CDK6: variants seen among roughly 807,000 people sequenced by gnomAD.
The protein encoded by CDK6 is cyclin dependent kinase 6, also known as cyclin-dependent kinase 6.
A neutral mutation model predicts 37.1 loss-of-function variants in CDK6; 6 were observed. The ratio of observed to expected loss-of-function variants is 0.16; its 90% CI spans 0.09 to 0.32. The LOEUF (loss-of-function observed/expected upper bound fraction) is 0.32. Ranked by LOEUF, CDK6 falls within the 10% of genes least tolerant of loss-of-function variation. The pLI, the probability that CDK6 is intolerant of heterozygous loss-of-function variation, is 1.00. For missense variants in CDK6, 224 were observed against 418.9 expected (o/e 0.53, Z 4.06); for synonymous variants, 160 against 161.3 (o/e 0.99, Z 0.06).
chr7:92,814,352 C>T (rs191335822), intron 2 of CDK6, among the ~76,000 whole-genome samples: 41 of 152,240 alleles, frequency 2.7e-4, no homozygotes, highest in African/African-American at 7.7e-4. Flanking sequence ...AAGTATATCT[C>T]ATGTGATCCC....
At chr7:92,766,188 T>C (rs577867352) in intron 3 of CDK6, among the ~76,000 whole-genome samples, 6 of 152,172 alleles carry the variant, frequency 3.9e-5, no homozygotes, top group Non-Finnish European at 8.8e-5. Flanking sequence ...CTCTGGTTGT[T>C]ATACAGAGGA....
intron 4 of CDK6, among the ~76,000 whole-genome samples, chr7:92,678,885 T>C (rs1279158209): frequency 2.0e-5 from 3 of 152,180 alleles, no homozygotes; most frequent in Non-Finnish European, 4.4e-5. Context: ...AACTCTTTGA[T>C]TTTCCTCCCA....
chr7:92,801,696 A>AGAG (rs1800579861), intron 2 of CDK6, among the ~76,000 whole-genome samples: 1 of 150,198 alleles, frequency 6.7e-6, no homozygotes, highest in Admixed American at 6.6e-5. Flanking sequence ...ATATCGGTTC[A>AGAG]CTGTCACCCC....
intron 3 of CDK6, among the ~76,000 whole-genome samples, chr7:92,747,592 A>C (rs1799090180): frequency 6.6e-6 from 1 of 152,086 alleles, no homozygotes; most frequent in African/African-American, 2.4e-5. Flanking sequence ...GGCTTGTGTC[A>C]CTCATGCCTC....
At position 92,826,225 on chromosome 7, in the gene CDK6, C is replaced by T. The variant is rs75467169; in HGVS notation, c.233+6866G>A. On this transcript the variant is annotated intron_variant, in intron 2 of 7. Transcript: ENST00000424848. Reference sequence around the variant, plus strand: ...GACACTCTCTGCCTTAAAGAGCTTACAAATAGGGTGTGAAAGAGTAGAGAG... The same window carrying T: ...GACACTCTCTGCCTTAAAGAGCTTATAAATAGGGTGTGAAAGAGTAGAGAG... 3.5e-3 allele frequency among the ~76,000 whole-genome samples: 527 copies of T among 152,114 alleles called. 1 individual carries two copies. The highest frequency in any genetic ancestry group is 0.012 in the African/African-American group (497 of 41,500).
rs77569064 is a variant in CDK6, at chr7:92,681,630, A to C, written c.538-10095T>G. Among the ~76,000 whole-genome samples, 72 of 152,288 alleles carry C rather than the reference A, an allele frequency of 4.7e-4. 1 individual carries two copies. In the East Asian group the frequency reaches 0.014, roughly 29 times the overall value. On this transcript the variant is annotated intron_variant, in intron 4 of 7. Coordinates refer to ENST00000424848, the MANE Select transcript of CDK6 (RefSeq NM_001145306.2). ...CGCAAATTAGGAAAGCAATGAGTTAAATGAGTTGGCTGAAGTACAACTGGG... is the reference window on the plus strand; with the variant it reads ...CGCAAATTAGGAAAGCAATGAGTTACATGAGTTGGCTGAAGTACAACTGGG...
chr7:92,706,585 A>G (rs1008869639), intron 4 of CDK6, among the ~76,000 whole-genome samples: 2 of 152,194 alleles, frequency 1.3e-5, no homozygotes, highest in African/African-American at 4.8e-5. Context: ...GAAAAGCACA[A>G]CCATGAAGGT....
At chr7:92,619,029 A>G (rs1272544856) in intron 6 of CDK6, among the ~76,000 whole-genome samples, 2 of 152,178 alleles carry the variant, frequency 1.3e-5, no homozygotes, top group East Asian at 3.8e-4. Flanking sequence ...CAATGATAAT[A>G]ACTTACAGTT....
chr7:92,651,649 C>T (rs1796576794), intron 5 of CDK6, among the ~76,000 whole-genome samples: 1 of 152,154 alleles, frequency 6.6e-6, no homozygotes, highest in African/African-American at 2.4e-5. Flanking sequence ...GAAGAAACCA[C>T]TGCCAGAAAC....
chr7:92,649,660 A>G (rs1195380968), intron 5 of CDK6, among the ~76,000 whole-genome samples: 1 of 152,210 alleles, frequency 6.6e-6, no homozygotes, highest in African/African-American at 2.4e-5. Context: ...TTTATTATCC[A>G]TGTTCACAGA....
intron 3 of CDK6, among the ~76,000 whole-genome samples, chr7:92,732,717 G>C (rs1475825168): frequency 1.3e-5 from 2 of 152,218 alleles, no homozygotes; most frequent in Admixed American, 6.5e-5. Context: ...ACCCAGTCCT[G>C]TATGGGCAAA....
intron 3 of CDK6, among the ~76,000 whole-genome samples, chr7:92,773,127 T>A (rs1290918456): frequency 2.6e-5 from 4 of 152,190 alleles, no homozygotes; most frequent in Non-Finnish European, 2.9e-5. Flanking sequence ...CCTATGTGTA[T>A]AAATCATTGT....
chr7:92,719,510 T>C (rs1461638400), intron 4 of CDK6, among the ~76,000 whole-genome samples: 1 of 152,108 alleles, frequency 6.6e-6, no homozygotes, highest in Non-Finnish European at 1.5e-5. Flanking sequence ...CTTTTATTAG[T>C]GAAGGTAATA....
chr7:92,686,495 A>AAT (rs935022330), intron 4 of CDK6, among the ~76,000 whole-genome samples: 76 of 152,134 alleles, frequency 5.0e-4, no homozygotes, highest in East Asian at 1.3e-3. Flanking sequence ...TATATAATGA[A>AAT]ATATATATAT....
At chr7:92,625,446 G>T (rs768760922) in intron 5 of CDK6, among the ~76,000 whole-genome samples, 3 of 150,398 alleles carry the variant, frequency 2.0e-5, no homozygotes, top group African/African-American at 7.3e-5. Context: ...ATCAAGAAAA[G>T]AATTTTCTAA....
chr7:92,733,661 AC>A (rs536908533), intron 3 of CDK6, among the ~76,000 whole-genome samples: 7 of 152,204 alleles, frequency 4.6e-5, no homozygotes, highest in Non-Finnish European at 1.0e-4. Context: ...TCATTAAATT[AC>A]CCACCAATTT....
intron 5 of CDK6, among the ~76,000 whole-genome samples, chr7:92,661,648 C>G (rs1796837603): frequency 6.6e-6 from 1 of 152,152 alleles, no homozygotes; most frequent in Non-Finnish European, 1.5e-5. Flanking sequence ...TCATCTTTCT[C>G]ATCTTCACAT....
intron 5 of CDK6, among the ~76,000 whole-genome samples, chr7:92,632,691 A>G (rs1796079548): frequency 6.6e-6 from 1 of 152,170 alleles, no homozygotes; most frequent in Non-Finnish European, 1.5e-5. Flanking sequence ...GTACTGTTAA[A>G]AATAACAAAT....
chr7:92,614,580 AATCACC>A lies in CDK6; in HGVS notation c.*554_*559del, dbSNP rs1168399837. On this transcript the variant is annotated 3_prime_UTR_variant, in exon 8 of 8. Coordinates refer to ENST00000424848, the MANE Select transcript of CDK6 (RefSeq NM_001145306.2). ...CTAATTTGAGAAGACTATTTTGGTG[AATCACC>A]TTCAGTGAACAAATGCCTGTTATTT... 8.6e-6 allele frequency: 2 copies of A among 233,764 alleles called. No homozygotes were observed. Among genetic ancestry groups the A allele is most frequent in the Non-Finnish European group, 1.7e-5 (2 of 118,136 alleles). The allele number at this position is 233,764 out of a possible 1,614,324, so 14.5% of individuals were successfully genotyped here. A position where few individuals can be genotyped will look rare whatever the true frequency, so the allele number is the denominator to read the frequency against.
Sources: gnomAD v4.1 joint callset for allele counts (sites outside exome capture counted in the v4.1 genomes callset) on GRCh38, gnomAD v4.1.1 for gene constraint, MANE v1.5 for transcripts, NCBI Gene and HGNC (gene_info 2026-07-23, HGNC 2026-07-21) for gene names.